MGAT5: variants seen among roughly 807,000 people sequenced by gnomAD.
MGAT5 encodes alpha-1,6-mannosylglycoprotein 6-beta-N-acetylglucosaminyltransferase A.
A neutral mutation model predicts 94.3 loss-of-function variants in MGAT5; 30 were observed. That is an observed-to-expected ratio of 0.32 (90% CI 0.24 to 0.43). The LOEUF (loss-of-function observed/expected upper bound fraction) is 0.43, where lower values mean the gene tolerates loss of function less well. MGAT5 is among the 20% of genes least tolerant of loss of function. MGAT5 has a pLI of 1.00. For synonymous variants in MGAT5, 310 were observed against 322.9 expected, an observed-to-expected ratio of 0.96 and a Z score of 0.43; for missense variants, 691 against 905.5, an observed-to-expected ratio of 0.76 and a Z score of 3.04.
At chr2:134,337,091 CA>C (rs1299093192) in intron 5 of MGAT5, among the ~76,000 whole-genome samples, 1 of 152,126 alleles carries the variant, frequency 6.6e-6, no homozygotes, top group Non-Finnish European at 1.5e-5. Context: ...ATTTTATGCA[CA>C]AAAACAAGCT....
intron 14 of MGAT5, among the ~76,000 whole-genome samples, chr2:134,433,985 T>C (rs1297644613): frequency 1.3e-5 from 2 of 152,216 alleles, no homozygotes; most frequent in African/African-American, 4.8e-5. Context: ...TTAGTAACTC[T>C]GTGAAAGAGT....
intron 11 of MGAT5, among the ~76,000 whole-genome samples, chr2:134,405,789 C>T (rs1558863004): frequency 1.3e-5 from 2 of 152,220 alleles, no homozygotes; most frequent in Non-Finnish European, 2.9e-5. Context: ...ATCTTTGAAT[C>T]TCTGCACCAA....
chr2:134,213,692 ATTTACT>A (rs1680320185), intron 1 of MGAT5, among the ~76,000 whole-genome samples: 1 of 152,202 alleles, frequency 6.6e-6, no homozygotes. Flanking sequence ...ACTCAGAAAC[ATTTACT>A]TATATTTGCT....
chr2:134,286,726 T>C (rs1393277319), intron 2 of MGAT5, among the ~76,000 whole-genome samples: 5 of 152,208 alleles, frequency 3.3e-5, no homozygotes, highest in African/African-American at 1.2e-4. Context: ...CTGAGGTTTC[T>C]TGAATTTTGG....
rs1686074412 is a variant in MGAT5, at chr2:134,450,974, TCC to T, written c.*2129_*2130del. ...CTAGGGTGTGGGAATTTGCTAGAGT[TCC>T]CTGACCTGCAATCCCTGGGCCAGTG... On this transcript the variant is annotated 3_prime_UTR_variant, in exon 16 of 16. Transcript: ENST00000281923. 1.3e-5 allele frequency: 2 copies of T among 152,038 alleles called. No individual in the cohort carries two copies. The highest frequency in any genetic ancestry group is 1.3e-4 in the Admixed American group (2 of 15,260). The allele number at this position is 152,038 out of a possible 1,614,324, so 9.4% of individuals were successfully genotyped here. A position where few individuals can be genotyped will look rare whatever the true frequency, so the allele number is the denominator to read the frequency against.
intron 1 of MGAT5, among the ~76,000 whole-genome samples, chr2:134,214,399 T>C (rs1041012897): frequency 3.9e-5 from 6 of 152,206 alleles, no homozygotes; most frequent in Non-Finnish European, 5.9e-5. Flanking sequence ...CTCGACCACA[T>C]TGGAAGAAGA....
At position 134,168,088 on chromosome 2, in the gene MGAT5, T is replaced by C. The variant is rs115028957; in HGVS notation, c.-143+47797T>C. 7.6e-3 allele frequency among the ~76,000 whole-genome samples: 1,160 copies of C among 152,328 alleles called. 11 individuals are homozygous for C. The highest frequency in any genetic ancestry group is 0.026 in the African/African-American group (1,066 of 41,562). On this transcript the variant is annotated intron_variant, in intron 1 of 16. Transcript: ENST00000409645. ...GCTTCGCAGTGGTTCTAGAACTGCCTGTTTATAATCCTATTAATTTATTGT... is the reference window on the plus strand; with the variant it reads ...GCTTCGCAGTGGTTCTAGAACTGCCCGTTTATAATCCTATTAATTTATTGT...
At chr2:134,131,868 C>T (rs1686192607) in intron 1 of MGAT5, among the ~76,000 whole-genome samples, 1 of 152,194 alleles carries the variant, frequency 6.6e-6, no homozygotes, top group Non-Finnish European at 1.5e-5. Context: ...AGATCGTGCC[C>T]AGGCTAGCCC....
intron 1 of MGAT5, among the ~76,000 whole-genome samples, chr2:134,227,743 T>C (rs1229262345): frequency 6.6e-6 from 1 of 152,196 alleles, no homozygotes; most frequent in Non-Finnish European, 1.5e-5. Context: ...GCATCTTGTA[T>C]GGACTCAAAA....
chr2:134,164,215 C>T (rs1687863604), intron 1 of MGAT5, among the ~76,000 whole-genome samples: 1 of 152,184 alleles, frequency 6.6e-6, no homozygotes, highest in African/African-American at 2.4e-5. Context: ...ACTTCTAGGT[C>T]AGTTGTCCCC....
intron 9 of MGAT5, among the ~76,000 whole-genome samples, chr2:134,351,682 A>G (rs374583108): frequency 5.9e-5 from 9 of 152,306 alleles, no homozygotes; most frequent in African/African-American, 2.2e-4. Flanking sequence ...TTTCCTAACC[A>G]TGACTCAGAA....
chr2:134,402,714 C>G (rs761060551), intron 10 of MGAT5, among the ~76,000 whole-genome samples: 6 of 152,192 alleles, frequency 3.9e-5, no homozygotes, highest in Non-Finnish European at 8.8e-5. Flanking sequence ...TTTCCTCTTG[C>G]AAAATTATAC....
exon 1 of MGAT5, chr2:134,120,244 A>G (rs1685501085): frequency 2.7e-6 from 1 of 373,132 alleles, no homozygotes; most frequent in African/African-American, 2.1e-5. Context: ...CCGCGTGGGC[A>G]CGGCGGCCGG....
chr2:134,220,001 T>C (rs1680676986), intron 1 of MGAT5, among the ~76,000 whole-genome samples: 1 of 152,142 alleles, frequency 6.6e-6, no homozygotes, highest in African/African-American at 2.4e-5. Flanking sequence ...TAAATACTAA[T>C]ATTAGCATTA....
At chr2:134,182,780 G>GTTTTT (rs5834402) in intron 1 of MGAT5, among the ~76,000 whole-genome samples, 57 of 87,058 alleles carry the variant, frequency 6.5e-4, no homozygotes, top group East Asian at 7.5e-4. Flanking sequence ...TAGAAGATTA[G>GTTTTT]TTTTTTTTTT....
At chr2:134,149,626 A>G (rs1253365643) in intron 1 of MGAT5, among the ~76,000 whole-genome samples, 1 of 152,278 alleles carries the variant, frequency 6.6e-6, no homozygotes. Context: ...ACATGCTTAT[A>G]GACCCACATC....
chr2:134,254,709 T>C (rs2105514312), intron 1 of MGAT5, 65 bp downstream of exon 1: 3 of 1,586,544 alleles, frequency 1.9e-6, no homozygotes, highest in Middle Eastern at 1.7e-4. Flanking sequence ...CCCTAGAAGC[T>C]CCCAGATATG....
At chr2:134,308,138 G>A (rs1362523985) in intron 2 of MGAT5, among the ~76,000 whole-genome samples, 1 of 152,154 alleles carries the variant, frequency 6.6e-6, no homozygotes. Flanking sequence ...ATAAGATACA[G>A]TGGTGTTACT....
At chr2:134,446,090 G>C (rs1439817479) in intron 15 of MGAT5, among the ~76,000 whole-genome samples, 1 of 152,098 alleles carries the variant, frequency 6.6e-6, no homozygotes, top group African/African-American at 2.4e-5. Context: ...TTGAACCCTT[G>C]AGGAGCTGCC....
Sources: allele counts gnomAD v4.1 joint callset (sites outside exome capture counted in the v4.1 genomes callset), GRCh38; gene constraint gnomAD v4.1.1; transcripts MANE v1.5; gene names NCBI Gene and HGNC (gene_info 2026-07-23, HGNC 2026-07-21).